The following BABAM2 variants were observed in gnomAD, a reference collection of about 807,000 sequenced individuals.
BABAM2 encodes BRISC and BRCA1 A complex member 2.
A neutral mutation model predicts 54.7 loss-of-function variants in BABAM2; 31 were observed. The ratio of observed to expected loss-of-function variants is 0.57; its 90% CI spans 0.43 to 0.77. The LOEUF (loss-of-function observed/expected upper bound fraction) is 0.77, where lower values mean the gene tolerates loss of function less well. BABAM2 is among the 30% of genes least tolerant of loss of function. BABAM2 has a pLI of 0.00. For missense variants in BABAM2, 364 were observed against 455.8 expected (o/e 0.80, Z 1.83); for synonymous variants, 167 against 162.9 (o/e 1.03, Z -0.19).
chr2:27,950,500 A>T (rs775041788), intron 3 of BABAM2, among the ~76,000 whole-genome samples: 2 of 152,092 alleles, frequency 1.3e-5, no homozygotes, highest in South Asian at 4.2e-4. Context: ...CCTGGGATGA[A>T]CTGATTGTTT....
rs10709627 is a variant in BABAM2 at position 28,269,850 on chromosome 2, A to ATT, written c.934+25000_934+25001dup. ...GAGATATTTTGGATTTTTTCTTGTC[A>ATT]TTTTTTTTTTTTTACATTGACAATG... On this transcript the variant is annotated intron_variant, in intron 10 of 11. Transcript: ENST00000379624. Among the ~76,000 whole-genome samples, 17 of 146,512 alleles carry ATT rather than the reference A, an allele frequency of 1.2e-4. No homozygotes were observed. In the South Asian group the frequency reaches 1.3e-3, roughly 11 times the overall value.
chr2:28,047,394 A>G lies in BABAM2; in HGVS notation c.570+1595A>G, dbSNP rs573473450. Reference sequence around the variant, plus strand: ...TTCAGCTCATTTAGAGGCAAGTTCAACAGCATATGAAAGTACCTGATTTAT... The same window carrying G: ...TTCAGCTCATTTAGAGGCAAGTTCAGCAGCATATGAAAGTACCTGATTTAT... On this transcript the variant is annotated intron_variant, in intron 6 of 11. Transcript: ENST00000379624. 3.9e-5 allele frequency among the ~76,000 whole-genome samples: 6 copies of G among 152,332 alleles called. No homozygotes were observed. In the East Asian group the frequency reaches 1.2e-3, roughly 29 times the overall value.
chr2:28,113,316 T>G (rs946903751), intron 6 of BABAM2, among the ~76,000 whole-genome samples: 6 of 152,132 alleles, frequency 3.9e-5, no homozygotes, highest in Admixed American at 3.9e-4. Flanking sequence ...TAATCCATCT[T>G]GAGTTGATTT....
intron 2 of BABAM2, among the ~76,000 whole-genome samples, chr2:27,906,063 T>C (rs1270789824): frequency 1.3e-5 from 2 of 152,158 alleles, no homozygotes; most frequent in African/African-American, 2.4e-5. Context: ...CCTCTTAAGA[T>C]AGATAATGCA....
chr2:28,010,795 C>T (rs1235684253), intron 4 of BABAM2, among the ~76,000 whole-genome samples: 1 of 152,118 alleles, frequency 6.6e-6, no homozygotes, highest in East Asian at 1.9e-4. Flanking sequence ...CTTCTCTGCT[C>T]TTCCTCCCAT....
At chr2:28,143,735 A>T (rs1671258609) in intron 7 of BABAM2, among the ~76,000 whole-genome samples, 1 of 152,202 alleles carries the variant, frequency 6.6e-6, no homozygotes, top group African/African-American at 2.4e-5. Flanking sequence ...ATACCAATGA[A>T]CACTCATGCC....
intron 5 of BABAM2, among the ~76,000 whole-genome samples, chr2:28,042,479 C>T (rs1002295587): frequency 6.6e-6 from 1 of 151,936 alleles, no homozygotes; most frequent in African/African-American, 2.4e-5. Flanking sequence ...AAAGAATGTT[C>T]CAGGAAAGGA....
At chr2:28,330,112 G>T (rs1690820019) in intron 11 of BABAM2, among the ~76,000 whole-genome samples, 1 of 152,102 alleles carries the variant, frequency 6.6e-6, no homozygotes, top group African/African-American at 2.4e-5. Context: ...TGCAGAAAAG[G>T]CCTTCAATAA....
At chr2:28,253,949 A>C (rs907929223) in intron 10 of BABAM2, among the ~76,000 whole-genome samples, 2 of 152,210 alleles carry the variant, frequency 1.3e-5, no homozygotes, top group African/African-American at 2.4e-5. Flanking sequence ...TTGGCCATTG[A>C]AAGAACAAAA....
intron 3 of BABAM2, among the ~76,000 whole-genome samples, chr2:27,935,230 G>A (rs1668406000): frequency 6.6e-6 from 1 of 152,178 alleles, no homozygotes; most frequent in Non-Finnish European, 1.5e-5. Flanking sequence ...ATCTAACTCC[G>A]CCTGTGTTCT....
intron 2 of BABAM2, among the ~76,000 whole-genome samples, chr2:27,902,868 G>A (rs1322316043): frequency 2.0e-5 from 3 of 150,808 alleles, no homozygotes; most frequent in African/African-American, 7.3e-5. Flanking sequence ...TTCTTTTTTA[G>A]ATTTGAATAT....
At chr2:28,112,863 T>G (rs1464942583) in intron 6 of BABAM2, among the ~76,000 whole-genome samples, 1 of 152,156 alleles carries the variant, frequency 6.6e-6, no homozygotes, top group Non-Finnish European at 1.5e-5. Flanking sequence ...CTTGCCAGCA[T>G]CTGTTGTTTC....
chr2:27,903,387 T>A (rs142441852), intron 2 of BABAM2, among the ~76,000 whole-genome samples: 64 of 152,366 alleles, frequency 4.2e-4, no homozygotes, highest in African/African-American at 1.5e-3. Flanking sequence ...ATTTAAATAG[T>A]TGTATACTGT....
chr2:28,076,752 C>T (rs1187984597), intron 6 of BABAM2, among the ~76,000 whole-genome samples: 4 of 152,092 alleles, frequency 2.6e-5, no homozygotes, highest in African/African-American at 2.4e-5. Flanking sequence ...ATGATCCACC[C>T]GCTTCGGCCT....
intron 11 of BABAM2, among the ~76,000 whole-genome samples, chr2:28,315,657 AT>A (rs1388558414): frequency 6.8e-6 from 1 of 146,876 alleles, no homozygotes; most frequent in Non-Finnish European, 1.5e-5. Flanking sequence ...TTATTTATTT[AT>A]TTTTTATTTT....
At chr2:28,084,367 T>C (rs977857396) in intron 6 of BABAM2, among the ~76,000 whole-genome samples, 2 of 152,136 alleles carry the variant, frequency 1.3e-5, no homozygotes, top group Non-Finnish European at 2.9e-5. Flanking sequence ...TAAAGGCAGA[T>C]AGGGCATTTT....
At chr2:28,097,213 T>C (rs549142907) in intron 6 of BABAM2, among the ~76,000 whole-genome samples, 33 of 152,018 alleles carry the variant, frequency 2.2e-4, no homozygotes, top group African/African-American at 7.7e-4. Flanking sequence ...GACAGGAAAA[T>C]AAAATGCAGA....
chr2:28,250,734 G>A (rs1305985545), intron 10 of BABAM2, among the ~76,000 whole-genome samples: 1 of 151,946 alleles, frequency 6.6e-6, no homozygotes, highest in Non-Finnish European at 1.5e-5. Flanking sequence ...TGAGTAGCTA[G>A]GATTACAGGC....
rs1553352148 is a variant in BABAM2 at position 28,258,622 on chromosome 2, T to TTTTTTTTC, written c.934+13767_934+13768insCTTTTTTT. 1.8e-4 allele frequency among the ~76,000 whole-genome samples: 25 copies of TTTTTTTTC among 136,242 alleles called. 1 individual carries two copies. The highest frequency in any genetic ancestry group is 9.8e-4 in the Admixed American group (13 of 13,276). The allele number at this position is 136,242 out of a possible 152,430, so 89.4% of individuals were successfully genotyped here. A position where few individuals can be genotyped will look rare whatever the true frequency, so the allele number is the denominator to read the frequency against. ...CTTTTTCTTTTTTCTTTTCTTTTTT[T>TTTTTTTTC]TTTTTTTTTGAGACAGGATGTTGCT... On this transcript the variant is annotated intron_variant, in intron 10 of 11. Coordinates refer to ENST00000379624, the MANE Select transcript of BABAM2 (RefSeq NM_199191.3).
Sources: gnomAD v4.1 joint callset for allele counts (sites outside exome capture counted in the v4.1 genomes callset) on GRCh38, gnomAD v4.1.1 for gene constraint, MANE v1.5 for transcripts, NCBI Gene and HGNC (gene_info 2026-07-23, HGNC 2026-07-21) for gene names.